The following TNRC6B variants were observed in gnomAD, a reference collection of about 807,000 sequenced individuals.
The protein encoded by TNRC6B is trinucleotide repeat-containing gene 6B protein.
In TNRC6B, 52 loss-of-function variants were observed where a neutral mutation model predicts 203.6. The observed-to-expected ratio is 0.26, with a 90% confidence interval of 0.20 to 0.32. The LOEUF is 0.32. Ranked by LOEUF, TNRC6B falls within the 10% of genes least tolerant of loss-of-function variation. The pLI is 1.00. For missense variants in TNRC6B, 1,923 were observed against 2,286.2 expected (o/e 0.84, Z 3.24); for synonymous variants, 838 against 845.7 (o/e 0.99, Z 0.16).
intron 16 of TNRC6B, among the ~76,000 whole-genome samples, chr22:40,308,916 A>G (rs1408984692): frequency 1.3e-5 from 2 of 152,250 alleles, no homozygotes; most frequent in Non-Finnish European, 2.9e-5. Flanking sequence ...AAACCCTAAT[A>G]AGTTGGCTGA....
chr22:40,237,242 G>A (rs1416971999), intron 1 of TNRC6B, among the ~76,000 whole-genome samples: 1 of 152,168 alleles, frequency 6.6e-6, no homozygotes. Context: ...AAACAGCAAA[G>A]GCACTGCAGG....
intron 17 of TNRC6B, among the ~76,000 whole-genome samples, chr22:40,311,221 G>A (rs193109413): frequency 2.6e-4 from 40 of 152,258 alleles, no homozygotes; most frequent in Admixed American, 2.1e-3. Context: ...CTTTGCATTC[G>A]TCCCATGCAT....
At position 40,327,944 on chromosome 22, in the gene TNRC6B, A is replaced by G. The variant is rs1436786706; in HGVS notation, c.*4703A>G. On this transcript the variant is annotated 3_prime_UTR_variant, in exon 23 of 23. Coordinates refer to ENST00000454349, the MANE Select transcript of TNRC6B (RefSeq NM_001162501.2). ...ATCACAAACTTGGTTTCTACCTACC[A>G]CACGAGTAGCCAAAAGAAAAGAAGC... 1 of 152,076 alleles carries G rather than the reference A, an allele frequency of 6.6e-6. No individual in the cohort carries two copies. The highest frequency in any genetic ancestry group is 1.5e-5 in the Non-Finnish European group (1 of 68,030). 9.4% of individuals were successfully genotyped at this position (152,076 alleles called of 1,614,324 possible). A position where few individuals can be genotyped will look rare whatever the true frequency, so the allele number is the denominator to read the frequency against.
intron 1 of TNRC6B, among the ~76,000 whole-genome samples, chr22:40,196,061 G>A (rs887847436): frequency 2.1e-5 from 3 of 141,330 alleles, no homozygotes; most frequent in Admixed American, 7.1e-5. Flanking sequence ...ACAGGTGTGA[G>A]CCACCGCGTC....
At chr22:40,154,293 C>G (rs2068790179) in intron 3 of TNRC6B, among the ~76,000 whole-genome samples, 1 of 151,538 alleles carries the variant, frequency 6.6e-6, no homozygotes, top group Non-Finnish European at 1.5e-5. Context: ...GAAACCCTGT[C>G]TCTACTAAAA....
intron 1 of TNRC6B, among the ~76,000 whole-genome samples, chr22:40,214,340 G>A (rs1379684005): frequency 6.6e-6 from 1 of 152,000 alleles, no homozygotes; most frequent in Non-Finnish European, 1.5e-5. Context: ...CTCTTGACTG[G>A]GGTGTTGGTT....
intron 1 of TNRC6B, among the ~76,000 whole-genome samples, chr22:40,230,464 G>GT (rs1445810613): frequency 6.6e-6 from 1 of 151,182 alleles, no homozygotes; most frequent in African/African-American, 2.4e-5. Flanking sequence ...GCTAATTTTT[G>GT]TTTTTTTAGT....
intron 10 of TNRC6B, 121 bp from the exon 11 acceptor site, chr22:40,280,998 G>C (rs556986865): frequency 1.5e-4 from 113 of 774,342 alleles, no homozygotes; most frequent in Non-Finnish European, 1.8e-4. Flanking sequence ...TTCCATCCTT[G>C]GTTATTGCTA....
intron 1 of TNRC6B, among the ~76,000 whole-genome samples, chr22:40,222,410 C>T (rs1010339311): frequency 3.3e-5 from 5 of 152,070 alleles, no homozygotes; most frequent in Non-Finnish European, 7.3e-5. Flanking sequence ...CAGGGAAGTG[C>T]GTGAGCCAGA....
intron 1 of TNRC6B, among the ~76,000 whole-genome samples, chr22:40,080,094 CTTT>C (rs772109662): frequency 8.8e-6 from 1 of 113,768 alleles, no homozygotes; most frequent in African/African-American, 3.7e-5. Context: ...CGTGCCTGGC[CTTT>C]TTTTTTTTTT....
intron 3 of TNRC6B, among the ~76,000 whole-genome samples, chr22:40,153,143 T>C (rs2068775005): frequency 6.6e-6 from 1 of 152,116 alleles, no homozygotes; most frequent in South Asian, 2.1e-4. Flanking sequence ...GTGTCAGTTA[T>C]ATGTGTGGAT....
At position 40,324,411 on chromosome 22, in the gene TNRC6B, CA is replaced by C. The variant is rs1323960986; in HGVS notation, c.*1175del. Reference sequence around the variant, plus strand: ...GATAACTTTTGATGATGCGATGTCTCAAAAACAGAGAAACTTTGTTCCCTCT... The same window carrying C: ...GATAACTTTTGATGATGCGATGTCTCAAAACAGAGAAACTTTGTTCCCTCT... On this transcript the variant is annotated 3_prime_UTR_variant, in exon 23 of 23. Coordinates refer to ENST00000454349, the MANE Select transcript of TNRC6B (RefSeq NM_001162501.2). The C allele has an allele frequency of 6.6e-6, 1 of 152,364 alleles. No homozygotes were observed. The highest frequency in any genetic ancestry group is 2.4e-5 in the African/African-American group (1 of 41,352). 9.4% of individuals were successfully genotyped at this position (152,364 alleles called of 1,614,324 possible).
chr22:40,175,523 G>A (rs889090412), upstream of TNRC6B, among the ~76,000 whole-genome samples: 1 of 152,180 alleles, frequency 6.6e-6, no homozygotes, highest in Non-Finnish European at 1.5e-5. Context: ...ACTGGGGAAT[G>A]GAGACTTAGC....
At chr22:40,102,030 G>C (rs1469240015) in intron 1 of TNRC6B, among the ~76,000 whole-genome samples, 1 of 152,088 alleles carries the variant, frequency 6.6e-6, no homozygotes, top group Non-Finnish European at 1.5e-5. Flanking sequence ...AGCATTTTAG[G>C]ACTTGCAGAA....
chr22:40,243,871 C>A (rs1197984103), intron 1 of TNRC6B, among the ~76,000 whole-genome samples: 1 of 152,182 alleles, frequency 6.6e-6, no homozygotes, highest in African/African-American at 2.4e-5. Context: ...AGGTGTGAGT[C>A]ACTGCGCCCA....
intron 4 of TNRC6B, among the ~76,000 whole-genome samples, chr22:40,158,391 G>T (rs955226272): frequency 2.0e-5 from 3 of 149,198 alleles, no homozygotes; most frequent in Non-Finnish European, 3.0e-5. Context: ...AATAAATAAA[G>T]AGGGAGTTGA....
At chr22:40,264,606 G>A in intron 4 of TNRC6B, 82 bp from the exon 5 acceptor site, 1 of 1,432,130 alleles carries the variant, frequency 7.0e-7, no homozygotes, top group Non-Finnish European at 9.3e-7. Context: ...TAAGGGCAGA[G>A]CTCAAAGGAG....
chr22:40,260,730 G>A (rs2070368108), intron 3 of TNRC6B, among the ~76,000 whole-genome samples: 1 of 152,214 alleles, frequency 6.6e-6, no homozygotes. Flanking sequence ...CTTCTAGGCA[G>A]CACTTCAGGG....
chr22:40,233,492 T>C (rs1189082166), intron 1 of TNRC6B, among the ~76,000 whole-genome samples: 1 of 150,526 alleles, frequency 6.6e-6, no homozygotes, highest in African/African-American at 2.4e-5. Flanking sequence ...CGTGGTTTCA[T>C]GTGCCTGTGG....
Sources: gnomAD v4.1 joint callset for allele counts (sites outside exome capture counted in the v4.1 genomes callset) on GRCh38, gnomAD v4.1.1 for gene constraint, MANE v1.5 for transcripts, NCBI Gene and HGNC (gene_info 2026-07-23, HGNC 2026-07-21) for gene names.